Variants in ARHGEF1 observed in about 807,000 individuals in gnomAD.
ARHGEF1 encodes the protein 115 kDa guanine nucleotide exchange factor.
In ARHGEF1, 40 loss-of-function variants were observed where a neutral mutation model predicts 119.7. That is an observed-to-expected ratio of 0.33 (90% CI 0.26 to 0.44). ARHGEF1 has a LOEUF of 0.44. ARHGEF1 is among the 20% of genes least tolerant of loss of function. ARHGEF1 has a pLI of 1.00. For synonymous variants in ARHGEF1, 494 were observed against 521.0 expected, an observed-to-expected ratio of 0.95 and a Z score of 0.71; for missense variants, 976 against 1,268.3, an observed-to-expected ratio of 0.77 and a Z score of 3.50.
chr19:41,885,563 G>T (rs531631149), intron 1 of ARHGEF1, among the ~76,000 whole-genome samples: 3 of 152,308 alleles, frequency 2.0e-5, no homozygotes, highest in African/African-American at 7.2e-5. Flanking sequence ...CCGGATTCAA[G>T]CGATTCTCCT....
At position 41,888,769 on chromosome 19, in the gene ARHGEF1, C is replaced by G. The variant is rs2074333102; in HGVS notation, c.129C>G (p.Asn43Lys). The G allele has an allele frequency of 2.5e-6, 4 of 1,614,228 alleles. No homozygotes were observed. In the East Asian group the frequency reaches 8.9e-5, roughly 36 times the overall value. The change falls in exon 4 of 29, where the codon AAC becomes AAG. Residue 43 changes from asparagine (N) to lysine (K), a missense_variant. Asn to Lys is a moderately conservative substitution (Grantham distance 94). Around this residue, in one of 3 missense-constraint regions of ARHGEF1, gnomAD observed 519 missense variants for 580.9 expected, o/e 0.89. Coordinates refer to ENST00000354532, the MANE Select transcript of ARHGEF1 (RefSeq NM_004706.4). This position sits in a 1 kb window ranked among gnomAD's most constrained non-coding sequence, Gnocchi z 5.1. ...NELETNSEEQNSQFQSLEQVK... is the reference protein window; with the variant it reads ...NELETNSEEQKSQFQSLEQVK... ...ACCCCCAGAACTCAGAAGAGCAAAA[C>G]AGCCAGTTCCAGAGCCTGGAGCAGG...
In ARHGEF1 at chr19:41,903,693, C is replaced by T. The variant is rs781797805; in HGVS notation, c.1840-14C>T. 9.9e-6 allele frequency: 16 copies of T among 1,611,646 alleles called. No individual in the cohort carries two copies. Among genetic ancestry groups the T allele is most frequent in the African/African-American group, 5.3e-5 (4 of 74,888 alleles). ...ACTTAGCTTGTCCCCATAATGCTCC[C>T]GTCTCTGCCCCAGAGGCTCAAGGAC... On this transcript the variant is annotated splice_polypyrimidine_tract_variant and intron_variant, in intron 19 of 28. Coordinates refer to ENST00000354532, the MANE Select transcript of ARHGEF1 (RefSeq NM_004706.4). The surrounding 1 kb of genome is among the most constrained non-coding windows in gnomAD (Gnocchi z 4.2).
chr19:41,891,991 G>A, intron 4 of ARHGEF1, 34 bp from the exon 5 acceptor site: 1 of 1,547,836 alleles, frequency 6.5e-7, no homozygotes, highest in Non-Finnish European at 8.8e-7. Flanking sequence ...GGCAGGGTGA[G>A]GGAGCGGAGA....
chr19:41,915,870 G>A (rs1013597032), intron 18 of ARHGEF1, among the ~76,000 whole-genome samples: 32 of 152,272 alleles, frequency 2.1e-4, no homozygotes, highest in Non-Finnish European at 3.5e-4. Flanking sequence ...CAGGACGGCC[G>A]GACAGATGGA....
At chr19:41,930,029 G>T (rs375391725) in exon 3 of ARHGEF1, 1 of 152,244 alleles carries the variant, frequency 6.6e-6, no homozygotes. Flanking sequence ...AGGTTAAACC[G>T]CAGGGCGCAT....
intron 13 of ARHGEF1, chr19:41,897,694 T>C (rs1599650324): frequency 3.0e-6 from 1 of 329,310 alleles, no homozygotes; most frequent in East Asian, 5.4e-5. Context: ...ATCCCTGTCC[T>C]GGTCACCCTT....
At chr19:41,884,308 A>C (rs1906634826) in intron 1 of ARHGEF1, 2 of 1,034,682 alleles carry the variant, frequency 1.9e-6, no homozygotes, top group African/African-American at 3.2e-5. Context: ...GGAGGAGTAG[A>C]GTCGTCGGGG....
rs1555849849 is a variant in ARHGEF1, at chr19:41,905,146, C to G, written c.2250-29C>G. On this transcript the variant is annotated intron_variant, in intron 23 of 28. Coordinates refer to ENST00000354532, the MANE Select transcript of ARHGEF1 (RefSeq NM_004706.4). This position sits in a 1 kb window ranked among gnomAD's most constrained non-coding sequence, Gnocchi z 6.4. ...CTGGCATAGGGTCTGGGGGCTCTGA[C>G]TGCCCAGGGATTTGGCCTTTCTCCC... 1 of 1,613,050 alleles carries G rather than the reference C, an allele frequency of 6.2e-7. No homozygotes were observed. The highest frequency in any genetic ancestry group is 2.2e-5 in the East Asian group (1 of 44,894).
downstream of ARHGEF1, chr19:41,909,574 C>A: frequency 1.0e-6 from 1 of 986,808 alleles, no homozygotes; most frequent in Non-Finnish European, 1.4e-6. The surrounding 1 kb of genome is among the most constrained non-coding windows in gnomAD (Gnocchi z 5.2). Context: ...GCACAGAGCA[C>A]TAGAACTTGG....
At chr19:41,909,585 G>A (rs1382144060), downstream of ARHGEF1, 2 of 907,484 alleles carry the variant, frequency 2.2e-6, no homozygotes, top group African/African-American at 3.4e-5. The surrounding 1 kb of genome is among the most constrained non-coding windows in gnomAD (Gnocchi z 5.2). Context: ...TAGAACTTGG[G>A]GAAACTGAGG....
Position 41,904,845 on chromosome 19 carries a change from C to T in ARHGEF1, c.2162-104C>T. On this transcript the variant is annotated intron_variant, in intron 22 of 28. Coordinates refer to ENST00000354532, the MANE Select transcript of ARHGEF1 (RefSeq NM_004706.4). The surrounding 1 kb of genome is among the most constrained non-coding windows in gnomAD (Gnocchi z 8.4). Reference sequence around the variant, plus strand: ...AGTGGTGAGTTGAGCCATGGGAGCCCTGAGAGCGCCACCACTGTGGGTGAC... The same window carrying T: ...AGTGGTGAGTTGAGCCATGGGAGCCTTGAGAGCGCCACCACTGTGGGTGAC... The T allele has an allele frequency of 1.1e-6, 1 of 950,302 alleles. No individual in the cohort carries two copies. Among genetic ancestry groups the T allele is most frequent in the Non-Finnish European group, 1.7e-6 (1 of 594,642 alleles). The allele number at this position is 950,302 out of a possible 1,614,324, so 58.9% of individuals were successfully genotyped here.
At chr19:41,907,474 GGT>G (rs1195522900), downstream of ARHGEF1, 2 of 1,438,358 alleles carry the variant, frequency 1.4e-6, no homozygotes, top group Admixed American at 4.5e-5. Context: ...GTGATGGCGG[GGT>G]GGGGCCTGGC....
In ARHGEF1 at chr19:41,907,239, G is replaced by T. The variant is rs1394928432; in HGVS notation, c.*152G>T. On this transcript the variant is annotated 3_prime_UTR_variant, in exon 29 of 29. Coordinates refer to ENST00000354532, the MANE Select transcript of ARHGEF1 (RefSeq NM_004706.4). ...GGCCACGCCTGGGAGGGGCCCAGCT[G>T]GGGTTACTGGCCCCGCATGAGCCTC... 1 of 1,520,936 alleles carries T rather than the reference G, an allele frequency of 6.6e-7. No homozygotes were observed. The highest frequency in any genetic ancestry group is 1.2e-5 in the South Asian group (1 of 82,192). The allele number at this position is 1,520,936 out of a possible 1,614,324, so 94.2% of individuals were successfully genotyped here. A position where few individuals can be genotyped will look rare whatever the true frequency, so the allele number is the denominator to read the frequency against.
intron 1 of ARHGEF1, among the ~76,000 whole-genome samples, chr19:41,927,282 G>A (rs186050038): frequency 2.0e-5 from 3 of 152,174 alleles, no homozygotes; most frequent in Non-Finnish European, 4.4e-5. Flanking sequence ...CCGGCCCCAC[G>A]AAGGTCAGGG....
rs1312533343 is a variant in ARHGEF1, at chr19:41,902,919, T to C, written c.1738+21T>C. 3.9e-6 allele frequency: 6 copies of C among 1,540,980 alleles called. No individual in the cohort carries two copies. Among genetic ancestry groups the C allele is most frequent in the African/African-American group, 2.8e-5 (2 of 71,418 alleles). ...CACAGGTACCGCGGGCCTGGATCTC[T>C]GGGCCTCGGCTCTCCTCTTTTTTTT... On this transcript the variant is annotated intron_variant, in intron 18 of 28. Coordinates refer to ENST00000354532, the MANE Select transcript of ARHGEF1 (RefSeq NM_004706.4). This position sits in a 1 kb window ranked among gnomAD's most constrained non-coding sequence, Gnocchi z 6.5.
Position 41,902,041 on chromosome 19 carries a change from C to A in ARHGEF1, c.1414+8C>A. Reference sequence around the variant, plus strand: ...AGCTCATCGAGGTGCATTGTGAGTGCAGAGCCAGGGTCCCTCTGTGTACCC... The same window carrying A: ...AGCTCATCGAGGTGCATTGTGAGTGAAGAGCCAGGGTCCCTCTGTGTACCC... On this transcript the variant is annotated splice_region_variant and intron_variant, in intron 15 of 28. Transcript: ENST00000354532. The surrounding 1 kb of genome is among the most constrained non-coding windows in gnomAD (Gnocchi z 6.5). The A allele has an allele frequency of 6.2e-7, 1 of 1,608,144 alleles. No homozygotes were observed. Among genetic ancestry groups the A allele is most frequent in the Non-Finnish European group, 8.5e-7 (1 of 1,175,828 alleles).
chr19:41,925,661 G>T (rs1192975657), intron 1 of ARHGEF1, among the ~76,000 whole-genome samples: 3 of 152,146 alleles, frequency 2.0e-5, no homozygotes, highest in Non-Finnish European at 4.4e-5. Flanking sequence ...GGTGGGGAAG[G>T]TGCTTCTGTT....
chr19:41,905,047 G>T lies in ARHGEF1; in HGVS notation c.2249+11G>T, dbSNP rs372226848. ...GTCGGAGCGGAAAAAGTGAGGGGGG[G>T]TCTGAGTTCTGAGTGTGGGTGGAGG... is the stretch of plus-strand genomic sequence containing the variant. On this transcript the variant is annotated intron_variant, in intron 23 of 28. Transcript: ENST00000354532. The surrounding 1 kb of genome is among the most constrained non-coding windows in gnomAD (Gnocchi z 6.4). 7 of 1,613,886 alleles carry T rather than the reference G, an allele frequency of 4.3e-6. No homozygotes were observed. The highest frequency in any genetic ancestry group is 5.9e-6 in the Non-Finnish European group (7 of 1,179,882).
Position 41,895,435 on chromosome 19 carries a change from C to A in ARHGEF1, c.964C>A (p.Pro322Thr), listed in dbSNP as rs1222430448. ...TATCGGGGCTCCTGGGCAGGACACCCCTGGAGTCTCTCTGCACCCTCTGTC... is the reference window on the plus strand; with the variant it reads ...TATCGGGGCTCCTGGGCAGGACACCACTGGAGTCTCTCTGCACCCTCTGTC... Reference protein sequence around the residue: ...RNIGAPGQDTPGVSLHPLSLD... With the variant: ...RNIGAPGQDTTGVSLHPLSLD... Residue 322 changes from proline (P) to threonine (T), a missense_variant, in exon 12 of 29, where the codon CCT becomes ACT. This residue lies in a region of ARHGEF1 where 519 missense variants were observed against 580.9 expected (regional missense o/e 0.89). Coordinates refer to ENST00000354532, the MANE Select transcript of ARHGEF1 (RefSeq NM_004706.4). The A allele has an allele frequency of 6.2e-7, 1 of 1,612,578 alleles. No homozygotes were observed. The highest frequency in any genetic ancestry group is 8.5e-7 in the Non-Finnish European group (1 of 1,179,582).
Sources: allele counts gnomAD v4.1 joint callset (sites outside exome capture counted in the v4.1 genomes callset), GRCh38; gene constraint gnomAD v4.1.1; regional missense constraint gnomAD v4.1.1; non-coding constraint Gnocchi (gnomAD v3.1); transcripts MANE v1.5; gene names NCBI Gene and HGNC (gene_info 2026-07-23, HGNC 2026-07-21).